TARS3: variants seen among roughly 807,000 people sequenced by gnomAD.
The protein encoded by TARS3 is threonine--tRNA ligase 2, cytoplasmic.
In TARS3, 94 loss-of-function variants were observed where a neutral mutation model predicts 103.5. The ratio of observed to expected loss-of-function variants is 0.91; its 90% CI spans 0.77 to 1.08. The LOEUF is 1.08. TARS3 is among the 50% of genes least tolerant of loss of function. The pLI is 0.00. For synonymous variants in TARS3, 416 were observed against 355.4 expected, an observed-to-expected ratio of 1.17 and a Z score of -1.92; for missense variants, 952 against 995.2, an observed-to-expected ratio of 0.96 and a Z score of 0.58.
chr15:101,707,912 A>G (rs1294769499), intron 6 of TARS3, among the ~76,000 whole-genome samples: 1 of 152,180 alleles, frequency 6.6e-6, no homozygotes, highest in Admixed American at 6.5e-5. Context: ...CTATTTTTTT[A>G]TTCAAGCCCA....
chr15:101,654,872 A>G, intron 18 of TARS3, 142 bp from the exon 19 acceptor site: 1 of 803,040 alleles, frequency 1.2e-6, no homozygotes, highest in Non-Finnish European at 2.0e-6. Context: ...TCATCCTCTG[A>G]TAGTTAAGTT....
chr15:101,708,301 A>C (rs1307538734), intron 6 of TARS3, among the ~76,000 whole-genome samples: 28 of 151,742 alleles, frequency 1.8e-4, no homozygotes, highest in Non-Finnish European at 1.0e-4. Flanking sequence ...AAAATAAAAA[A>C]CAAAATGTAT....
intron 10 of TARS3, among the ~76,000 whole-genome samples, chr15:101,691,498 T>C (rs974847531): frequency 2.6e-5 from 4 of 151,780 alleles, no homozygotes; most frequent in South Asian, 2.1e-4. Context: ...CAGGCTGGTC[T>C]CGAACTCCTG....
At chr15:101,681,583 G>A (rs968436735) in intron 12 of TARS3, among the ~76,000 whole-genome samples, 1 of 152,180 alleles carries the variant, frequency 6.6e-6, no homozygotes, top group African/African-American at 2.4e-5. Flanking sequence ...CTGCAGGCTG[G>A]GAAATCCAAG....
rs997287787 is a variant in TARS3 at position 101,656,981 on chromosome 15, C to T, written c.2201G>A (p.Ser734Asn). 1 of 1,613,994 alleles carries T rather than the reference C, an allele frequency of 6.2e-7. No individual in the cohort carries two copies. ...GFMADVDLDH[S>N]CTLNKKIRNA... ...TCGTATTTTCTTATTTAGTGTACAA[C>T]TGTGATCCAAGTCAACGTCAGCCAT... Residue 734 changes from serine (S) to asparagine (N), a missense_variant, in exon 18 of 19, where the codon AGT becomes AAT. Coordinates refer to ENST00000335968, the MANE Select transcript of TARS3 (RefSeq NM_152334.3).
chr15:101,705,728 C>A lies in TARS3; in HGVS notation c.950G>T (p.Arg317Leu), dbSNP rs372041093. ...EMFKYNKFKC[R>L]ILNEKVNTAT... ...AGTGTTAACTTTCTCATTCAGAATG[C>A]GGCATTTAAATTTATTGTACTACGA... is the stretch of plus-strand genomic sequence containing the variant. The change falls in exon 7 of 19, where the codon CGC becomes CTC. Residue 317 changes from arginine to leucine, a missense_variant. This residue lies in a region of TARS3 where 540 missense variants were observed against 631.0 expected (regional missense o/e 0.86). Transcript: ENST00000335968. 1.2e-6 allele frequency: 2 copies of A among 1,609,642 alleles called. No individual in the cohort carries two copies. The highest frequency in any genetic ancestry group is 1.1e-5 in the South Asian group (1 of 90,354).
chr15:101,658,752 T>C (rs1191221375), intron 16 of TARS3, among the ~76,000 whole-genome samples: 2 of 152,198 alleles, frequency 1.3e-5, no homozygotes, highest in South Asian at 2.1e-4. Context: ...GATGTTACCA[T>C]TGAGGAAAAC....
rs774686249 is a variant in TARS3 at position 101,701,073 on chromosome 15, A to T, written c.1320+13T>A. The T allele has an allele frequency of 7.7e-5, 114 of 1,476,096 alleles. No homozygotes were observed. Among genetic ancestry groups the T allele is most frequent in the Non-Finnish European group, 1.0e-4 (112 of 1,093,388 alleles). 91.4% of individuals were successfully genotyped at this position (1,476,096 alleles called of 1,614,324 possible). On this transcript the variant is annotated intron_variant, in intron 10 of 18. Transcript: ENST00000335968. ...GAATTGAATAAGAATAAAACATTTT[A>T]AAGTTAACTTACTCGTATGAAATCT...
intron 10 of TARS3, among the ~76,000 whole-genome samples, chr15:101,692,679 C>T (rs1898779202): frequency 6.6e-6 from 1 of 152,230 alleles, no homozygotes; most frequent in Non-Finnish European, 1.5e-5. Context: ...TCCATCTCCT[C>T]ACTTCTGCAG....
At chr15:101,721,874 G>A (rs965567779) in intron 2 of TARS3, among the ~76,000 whole-genome samples, 5 of 152,086 alleles carry the variant, frequency 3.3e-5, no homozygotes, top group African/African-American at 7.2e-5. Flanking sequence ...CAACCATTGT[G>A]TTTTTCACTC....
chr15:101,710,923 C>T (rs1899833473), intron 5 of TARS3, among the ~76,000 whole-genome samples: 1 of 152,044 alleles, frequency 6.6e-6, no homozygotes, highest in African/African-American at 2.4e-5. Context: ...GTAGAAGGAT[C>T]AGAGGTTTTG....
chr15:101,694,525 C>T (rs1361744511), intron 10 of TARS3, among the ~76,000 whole-genome samples: 1 of 152,194 alleles, frequency 6.6e-6, no homozygotes, highest in Non-Finnish European at 1.5e-5. Context: ...ACACCCTCTA[C>T]TGGCTGGTGA....
At chr15:101,700,700 G>C (rs943666204) in intron 10 of TARS3, among the ~76,000 whole-genome samples, 1 of 151,256 alleles carries the variant, frequency 6.6e-6, no homozygotes, top group African/African-American at 2.4e-5. Flanking sequence ...CTGGAGCGCA[G>C]TGGCACAATC....
At position 101,703,896 on chromosome 15, in the gene TARS3, C is replaced by T; in HGVS notation, c.1037G>A (p.Arg346Lys). ...LIDLCKGPHV[R>K]HTGKIKTIKI... ...GATGGTTTTAATTTTTCCAGTGTGT[C>T]TTACATGTGGACCTTTGCAAAGGTC... Residue 346 changes from arginine (R) to lysine (K), a missense_variant, in exon 8 of 19, where the codon AGA (arginine) becomes AAA (lysine). Physicochemically the swap from Arg to Lys is conservative, Grantham distance 26. Around this residue, in one of 2 missense-constraint regions of TARS3, gnomAD observed 540 missense variants for 631.0 expected, o/e 0.86. Coordinates refer to ENST00000335968, the MANE Select transcript of TARS3 (RefSeq NM_152334.3). The T allele has an allele frequency of 6.2e-7, 1 of 1,613,178 alleles. No individual in the cohort carries two copies.
intron 3 of TARS3, among the ~76,000 whole-genome samples, chr15:101,715,511 A>C (rs191434523): frequency 4.5e-4 from 68 of 152,368 alleles, no homozygotes; most frequent in Non-Finnish European, 7.2e-4. Flanking sequence ...AAAATCACAC[A>C]TAAATATCAT....
chr15:101,687,532 T>C (rs928047696), intron 10 of TARS3, among the ~76,000 whole-genome samples: 2 of 152,018 alleles, frequency 1.3e-5, no homozygotes, highest in Non-Finnish European at 2.9e-5. Flanking sequence ...TGTGGGTGTG[T>C]GTGTGGCAGG....
rs146158328 is a variant in TARS3 at position 101,653,844 on chromosome 15, A to C, written c.*738T>G. 1 of 152,346 alleles carries C rather than the reference A, an allele frequency of 6.6e-6. No homozygotes were observed. Among genetic ancestry groups the C allele is most frequent in the African/African-American group, 2.4e-5 (1 of 41,578 alleles). The allele number at this position is 152,346 out of a possible 1,614,324, so 9.4% of individuals were successfully genotyped here. A position where few individuals can be genotyped will look rare whatever the true frequency, so the allele number is the denominator to read the frequency against. On this transcript the variant is annotated 3_prime_UTR_variant, in exon 19 of 19. Transcript: ENST00000335968. ...AATCTGAAATCCATTTCAGTACATA[A>C]ATCCATGGAATGTCATCCCATCAAA...
In TARS3 at chr15:101,715,301, T is replaced by C. The variant is rs552275814; in HGVS notation, c.567-338A>G. 1.7e-3 allele frequency among the ~76,000 whole-genome samples: 255 copies of C among 151,356 alleles called. 1 individual carries two copies. The highest frequency in any genetic ancestry group is 5.7e-3 in the African/African-American group (236 of 41,362). On this transcript the variant is annotated intron_variant, in intron 3 of 18. Coordinates refer to ENST00000335968, the MANE Select transcript of TARS3 (RefSeq NM_152334.3). Reference sequence around the variant, plus strand: ...AGCTGGGACTACAGGCGCCCGCCACTACGCGCGGCTAATTTTTTGTATTTT... The same window carrying C: ...AGCTGGGACTACAGGCGCCCGCCACCACGCGCGGCTAATTTTTTGTATTTT...
chr15:101,691,979 A>T (rs1192786187), intron 10 of TARS3, among the ~76,000 whole-genome samples: 2 of 152,148 alleles, frequency 1.3e-5, no homozygotes, highest in Non-Finnish European at 2.9e-5. Flanking sequence ...GGACCCTCAG[A>T]TCATGGGATT....
Sources: gnomAD v4.1 joint callset for allele counts (sites outside exome capture counted in the v4.1 genomes callset) on GRCh38, gnomAD v4.1.1 for gene constraint, gnomAD v4.1.1 regional missense constraint, MANE v1.5 for transcripts, NCBI Gene and HGNC (gene_info 2026-07-23, HGNC 2026-07-21) for gene names.